The following PCDHGA1 variants were observed in gnomAD, a reference collection of about 807,000 sequenced individuals.
PCDHGA1 encodes the protein protocadherin gamma subfamily A, 1.
Under a neutral mutation model 58.0 loss-of-function variants are expected in PCDHGA1, and 32 were observed. The ratio of observed to expected loss-of-function variants is 0.55; its 90% CI spans 0.42 to 0.74. The LOEUF is 0.74. Ranked by LOEUF, PCDHGA1 falls within the 30% of genes least tolerant of loss-of-function variation. The probability of loss-of-function intolerance (pLI) is 0.00; values close to 1 mark genes in which losing one functional copy is unlikely to be tolerated. For missense variants in PCDHGA1, 1,205 were observed against 1,182.3 expected, an observed-to-expected ratio of 1.02 and a Z score of -0.28; for synonymous variants, 498 against 501.1, an observed-to-expected ratio of 0.99 and a Z score of 0.08.
rs767719494 is a variant in PCDHGA1 at position 141,491,200 on chromosome 5, C to T, written c.2422-3607C>T. On this transcript the variant is annotated intron_variant, in intron 1 of 3. Coordinates refer to ENST00000517417, the MANE Select transcript of PCDHGA1 (RefSeq NM_018912.3). This position sits in a 1 kb window ranked among gnomAD's most constrained non-coding sequence, Gnocchi z 6.9. The stretch of plus-strand genomic sequence containing the variant: ...GGTCCTGGTGAGGGACAATGGTGAC[C>T]CTTCACTCTCCTCCACAGCCACAGT... 4 of 1,614,158 alleles carry T rather than the reference C, an allele frequency of 2.5e-6. No individual in the cohort carries two copies. The highest frequency in any genetic ancestry group is 3.4e-6 in the Non-Finnish European group (4 of 1,180,000).
rs761350249 is a variant in PCDHGA1 at position 141,418,909 on chromosome 5, G to A, written c.2422-75898G>A. Reference sequence around the variant, plus strand: ...ACAACAGCCCAGAAATAATCATCACGTCACTCTCTGATCAGATTATGGAGG... The same window carrying A: ...ACAACAGCCCAGAAATAATCATCACATCACTCTCTGATCAGATTATGGAGG... On this transcript the variant is annotated intron_variant, in intron 1 of 3. Coordinates refer to ENST00000517417, the MANE Select transcript of PCDHGA1 (RefSeq NM_018912.3). The A allele has an allele frequency of 1.9e-6, 3 of 1,613,906 alleles. No homozygotes were observed. In the Admixed American group the frequency reaches 5.0e-5, roughly 27 times the overall value.
At position 141,361,017 on chromosome 5, in the gene PCDHGA1, A is replaced by G. The variant is rs767981942; in HGVS notation, c.2421+27912A>G. 1.9e-6 allele frequency: 3 copies of G among 1,613,324 alleles called. No individual in the cohort carries two copies. The Admixed American group carries it at 5.0e-5, about 27-fold the overall frequency. On this transcript the variant is annotated intron_variant, in intron 1 of 3. Transcript: ENST00000517417. ...AACAAGTGAAACACTTTTTCAACTTAAATGAAAAAACAGGAGAAATCACGA... is the reference window on the plus strand; with the variant it reads ...AACAAGTGAAACACTTTTTCAACTTGAATGAAAAAACAGGAGAAATCACGA...
chr5:141,426,829 A>G, intron 1 of PCDHGA1: 2 of 456,716 alleles, frequency 4.4e-6, no homozygotes, highest in South Asian at 3.1e-5. Context: ...CTGATGATGG[A>G]CAAGACTAAA....
rs1248714579 is a variant in PCDHGA1 at position 141,489,513 on chromosome 5, C to A, written c.2422-5294C>A. The A allele has an allele frequency of 6.2e-7, 1 of 1,614,000 alleles. No homozygotes were observed. Among genetic ancestry groups the A allele is most frequent in the African/African-American group, 1.3e-5 (1 of 74,918 alleles). ...CCCTGGCAGTGAATCAAAAGATTGACCGAGAAAGCCTATGTGGAGCCAGCA... is the reference window on the plus strand; with the variant it reads ...CCCTGGCAGTGAATCAAAAGATTGAACGAGAAAGCCTATGTGGAGCCAGCA... On this transcript the variant is annotated intron_variant, in intron 1 of 3. Coordinates refer to ENST00000517417, the MANE Select transcript of PCDHGA1 (RefSeq NM_018912.3). The surrounding 1 kb of genome is among the most constrained non-coding windows in gnomAD (Gnocchi z 4.5).
At chr5:141,390,019 G>GCCTGCGAC (rs1380063948) in intron 1 of PCDHGA1, 1 of 1,614,002 alleles carries the variant, frequency 6.2e-7, no homozygotes. Context: ...ATTGCCTTGC[G>GCCTGCGAC]CCTGCGACGC....
intron 1 of PCDHGA1, among the ~76,000 whole-genome samples, chr5:141,380,556 A>G (rs560395127): frequency 1.3e-5 from 2 of 152,362 alleles, no homozygotes; most frequent in South Asian, 2.1e-4. Flanking sequence ...CTTATGTTAG[A>G]TTTTATTAAA....
chr5:141,495,892 TTGTCTC>T (rs1035324353), intron 2 of PCDHGA1, among the ~76,000 whole-genome samples: 1 of 152,198 alleles, frequency 6.6e-6, no homozygotes, highest in Admixed American at 6.5e-5. Flanking sequence ...TTGTCTCTCT[TTGTCTC>T]TGTCTCTGTA....
chr5:141,375,956 G>C, intron 1 of PCDHGA1: 1 of 1,613,506 alleles, frequency 6.2e-7, no homozygotes, highest in Non-Finnish European at 8.5e-7. Context: ...GCACACGGGC[G>C]AGGTGCGCAC....
At position 141,431,636 on chromosome 5, in the gene PCDHGA1, A is replaced by C; in HGVS notation, c.2422-63171A>C. 1 of 1,614,254 alleles carries C rather than the reference A, an allele frequency of 6.2e-7. No individual in the cohort carries two copies. On this transcript the variant is annotated intron_variant, in intron 1 of 3. Transcript: ENST00000517417. This position sits in a 1 kb window ranked among gnomAD's most constrained non-coding sequence, Gnocchi z 4.8. ...GGACGACAAGGCGGCCCAAGTTTTC[A>C]AACTAGATTGTAATTCAGGGACAAT... is the stretch of plus-strand genomic sequence containing the variant.
chr5:141,484,552 G>T (rs2099597743), intron 1 of PCDHGA1, among the ~76,000 whole-genome samples: 1 of 152,138 alleles, frequency 6.6e-6, no homozygotes, highest in African/African-American at 2.4e-5. Context: ...CTAATTAGCA[G>T]TTGCTCCAAT....
At chr5:141,350,118 T>G (rs1022914311) in intron 1 of PCDHGA1, 6 of 585,650 alleles carry the variant, frequency 1.0e-5, no homozygotes, top group African/African-American at 9.5e-5. Context: ...CTTTGTCCGG[T>G]GCACTGAGCA....
chr5:141,399,210 A>G, intron 1 of PCDHGA1: 2 of 1,613,974 alleles, frequency 1.2e-6, no homozygotes, highest in Non-Finnish European at 1.7e-6. Context: ...CTGGAACACT[A>G]ATTGCTTTGA....
intron 1 of PCDHGA1, chr5:141,352,085 G>C (rs774653294): frequency 5.6e-6 from 9 of 1,604,744 alleles, no homozygotes. Flanking sequence ...GCAGGCCAGC[G>C]AGCCCGGGCT....
intron 1 of PCDHGA1, chr5:141,370,305 G>A: frequency 2.5e-6 from 3 of 1,206,280 alleles, no homozygotes; most frequent in South Asian, 3.3e-5. Context: ...CAAAGACAAA[G>A]CAAATAGTTG....
chr5:141,399,361 C>A (rs375619778), intron 1 of PCDHGA1: 1 of 1,613,960 alleles, frequency 6.2e-7, no homozygotes. Context: ...AGAGCAAACC[C>A]CGGAGTACAA....
intron 1 of PCDHGA1, chr5:141,376,199 G>A: frequency 6.2e-7 from 1 of 1,614,162 alleles, no homozygotes; most frequent in Non-Finnish European, 8.5e-7. Flanking sequence ...CGTCTTCCTG[G>A]CCTTCGTCAT....
intron 2 of PCDHGA1, among the ~76,000 whole-genome samples, chr5:141,503,682 G>A (rs1430771639): frequency 1.3e-5 from 2 of 151,974 alleles, no homozygotes; most frequent in South Asian, 4.1e-4. Flanking sequence ...CTTTTGGGAA[G>A]GAGAATTGAG....
At chr5:141,433,358 C>CCTAG (rs1554125965) in intron 1 of PCDHGA1, 2 of 498,106 alleles carry the variant, frequency 4.0e-6, no homozygotes, top group African/African-American at 4.2e-5. Flanking sequence ...CTACTGTCTG[C>CCTAG]CTATCTATCT....
rs755056097 is a variant in PCDHGA1 at position 141,340,090 on chromosome 5, T to C, written c.2421+6985T>C. 6.8e-6 allele frequency: 11 copies of C among 1,614,024 alleles called. No homozygotes were observed. In the South Asian group the frequency reaches 7.7e-5, roughly 11 times the overall value. On this transcript the variant is annotated intron_variant, in intron 1 of 3. Transcript: ENST00000517417. ...TAATTGGGCTTTTTAATGTACATGA[T>C]AGAGACTCTGGGCAGAACGCATTCA...
Sources: gnomAD v4.1 joint callset for allele counts (sites outside exome capture counted in the v4.1 genomes callset) on GRCh38, gnomAD v4.1.1 for gene constraint, Gnocchi (gnomAD v3.1) non-coding constraint, MANE v1.5 for transcripts, NCBI Gene and HGNC (gene_info 2026-07-23, HGNC 2026-07-21) for gene names.